The following BRD1 variants were observed in gnomAD, a reference collection of about 807,000 sequenced individuals.
The protein encoded by BRD1 is bromodomain-containing protein 1.
In BRD1, 24 loss-of-function variants were observed where a neutral mutation model predicts 107.7. That is an observed-to-expected ratio of 0.22 (90% CI 0.16 to 0.31). BRD1 has a LOEUF of 0.31. Among genes scored for constraint, BRD1 ranks in the 10% least tolerant of loss-of-function variants. The pLI is 1.00. For synonymous variants in BRD1, 744 were observed against 686.1 expected, an observed-to-expected ratio of 1.08 and a Z score of -1.32; for missense variants, 1,279 against 1,638.6, an observed-to-expected ratio of 0.78 and a Z score of 3.79.
At chr22:49,784,294 G>T (rs1211407514) in intron 8 of BRD1, among the ~76,000 whole-genome samples, 1 of 144,668 alleles carries the variant, frequency 6.9e-6, no homozygotes, top group Non-Finnish European at 1.5e-5. Flanking sequence ...TCTCCGCAAC[G>T]GCGGCGAGTA....
rs2059120232 is a variant in BRD1 at position 49,777,280 on chromosome 22, C to T, written c.2994-119G>A. The T allele has an allele frequency of 8.1e-6, 12 of 1,474,836 alleles. No homozygotes were observed. The East Asian group carries it at 9.2e-5, about 11-fold the overall frequency. The allele number at this position is 1,474,836 out of a possible 1,614,324, so 91.4% of individuals were successfully genotyped here. ...CCACGCATCCTGCCTGACACCCCCG[C>T]GGCCAGACGGGCCTGTGGGTGCGCA... On this transcript the variant is annotated intron_variant, in intron 9 of 12. Transcript: ENST00000404760.
intron 2 of BRD1, among the ~76,000 whole-genome samples, chr22:49,811,491 C>T (rs1361170580): frequency 6.6e-6 from 1 of 152,192 alleles, no homozygotes; most frequent in African/African-American, 2.4e-5. Flanking sequence ...CGAGCGCCAG[C>T]CTGGATGTTG....
At position 49,774,207 on chromosome 22, in the gene BRD1, C is replaced by T. The variant is rs2059036306; in HGVS notation, c.*26G>A. 3 of 1,605,894 alleles carry T rather than the reference C, an allele frequency of 1.9e-6. No homozygotes were observed. Among genetic ancestry groups the T allele is most frequent in the Non-Finnish European group, 2.6e-6 (3 of 1,175,272 alleles). ...ATGTACAGCTTATCAACACTATGGA[C>T]AAGACCCGCGCTGGCGGCCGGGCCG... On this transcript the variant is annotated 3_prime_UTR_variant, in exon 13 of 13. Transcript: ENST00000404760.
In BRD1 at chr22:49,775,869, GC is replaced by G. The variant is rs965468142; in HGVS notation, c.3232-125del. On this transcript the variant is annotated intron_variant, in intron 11 of 12. Transcript: ENST00000404760. ...GTGAGCCTCCTCAGACCACCCCCAC[GC>G]CCCCCTCGCCGAACCACCCCTGCCC... 9 of 741,786 alleles carry G rather than the reference GC, an allele frequency of 1.2e-5. No homozygotes were observed. In the Admixed American group the frequency reaches 2.4e-4, roughly 20 times the overall value. 46.0% of individuals were successfully genotyped at this position (741,786 alleles called of 1,614,324 possible). A position where few individuals can be genotyped will look rare whatever the true frequency, so the allele number is the denominator to read the frequency against.
chr22:49,803,303 A>T lies in BRD1; in HGVS notation c.1524+901T>A, dbSNP rs1195973623. ...TCAAGCTTCCTGTGAGCAAGTCACC[A>T]CCTCACAGCAGAGCAGGATGGTTTC... On this transcript the variant is annotated intron_variant, in intron 3 of 12. Coordinates refer to ENST00000404760, the MANE Select transcript of BRD1 (RefSeq NM_001304808.3). The surrounding 1 kb of genome is among the most constrained non-coding windows in gnomAD (Gnocchi z 4.4). Among the ~76,000 whole-genome samples, 1 of 152,196 alleles carries T rather than the reference A, an allele frequency of 6.6e-6. No homozygotes were observed. The highest frequency in any genetic ancestry group is 1.5e-5 in the Non-Finnish European group (1 of 68,030).
rs139566314 is a variant in BRD1 at position 49,797,950 on chromosome 22, G to A, written c.1953C>T (p.Ala651=). 291 of 1,614,064 alleles carry A rather than the reference G, an allele frequency of 1.8e-4. 1 individual carries two copies. The highest frequency in any genetic ancestry group is 2.1e-4 in the Non-Finnish European group (252 of 1,180,052). Reference sequence around the variant, plus strand: ...CTCCCTGATCGCGCAGCCTCACCGCGGCTCTATAGAACACGGTGTCCCTGG... The same window carrying A: ...CTCCCTGATCGCGCAGCCTCACCGCAGCTCTATAGAACACGGTGTCCCTGG... ...YNARDTVFYR[A]AVRLRDQGGV... is the part of the protein sequence containing the mutation. Residue 651 remains alanine, a synonymous_variant, in exon 6 of 13, where the codon GCC becomes GCT. Transcript: ENST00000404760.
At chr22:49,789,492 C>G (rs563737432) in intron 7 of BRD1, among the ~76,000 whole-genome samples, 3 of 146,570 alleles carry the variant, frequency 2.0e-5, no homozygotes, top group African/African-American at 5.3e-5. Context: ...TCCTAGCCTC[C>G]CCCCCCCGCC....
Position 49,777,664 on chromosome 22 carries a change from G to T in BRD1, c.2993+14C>A. On this transcript the variant is annotated intron_variant, in intron 9 of 12. Transcript: ENST00000404760. Reference sequence around the variant, plus strand: ...GGAGCTGCGTGGTGGGAAGCGCAGGGCCGCGGTGCCCACCTCGAGTCGCAG... The same window carrying T: ...GGAGCTGCGTGGTGGGAAGCGCAGGTCCGCGGTGCCCACCTCGAGTCGCAG... 1 of 1,601,298 alleles carries T rather than the reference G, an allele frequency of 6.2e-7. No individual in the cohort carries two copies.
At chr22:49,813,456 T>C (rs1013961800) in intron 2 of BRD1, among the ~76,000 whole-genome samples, 6 of 151,600 alleles carry the variant, frequency 4.0e-5, no homozygotes, top group Non-Finnish European at 7.4e-5. Flanking sequence ...TCTCTTGACC[T>C]CGTGATCCGC....
At chr22:49,826,262 A>G (rs886684910) in intron 1 of BRD1, 1 of 985,290 alleles carries the variant, frequency 1.0e-6, no homozygotes, top group African/African-American at 1.7e-5. Context: ...GAAGCTCTTC[A>G]TCGCAACACT....
intron 7 of BRD1, among the ~76,000 whole-genome samples, chr22:49,790,455 G>A (rs970671462): frequency 1.3e-5 from 2 of 152,294 alleles, no homozygotes; most frequent in East Asian, 1.9e-4. Context: ...CTCAGACCCC[G>A]TCAATGTATC....
At chr22:49,806,457 T>C (rs1313842422) in intron 2 of BRD1, 3 of 151,662 alleles carry the variant, frequency 2.0e-5, no homozygotes, top group East Asian at 1.9e-4. Flanking sequence ...AAAATTAGAG[T>C]GAGGAAGAGC....
In BRD1 at chr22:49,775,490, GCAGA is replaced by G. The variant is rs1402268610; in HGVS notation, c.3386+97_3386+100del. On this transcript the variant is annotated intron_variant, in intron 12 of 12. Coordinates refer to ENST00000404760, the MANE Select transcript of BRD1 (RefSeq NM_001304808.3). ...CCGACTTTAGCTGTGCCAGGGCCCA[GCAGA>G]CAAAGACGCTGCTCACCACAGGGAC... is the stretch of plus-strand genomic sequence containing the variant. 2.0e-5 allele frequency: 23 copies of G among 1,155,372 alleles called. No homozygotes were observed. The African/African-American group carries it at 3.3e-4, about 17-fold the overall frequency. The allele number at this position is 1,155,372 out of a possible 1,614,324, so 71.6% of individuals were successfully genotyped here.
intron 7 of BRD1, 121 bp from the exon 8 acceptor site, chr22:49,788,008 ATGTAC>A: frequency 9.9e-7 from 1 of 1,014,660 alleles, no homozygotes; most frequent in Non-Finnish European, 1.4e-6. Context: ...AAGGCATCGC[ATGTAC>A]TGTCTGCTCG....
chr22:49,795,240 C>T (rs368330103), intron 6 of BRD1, among the ~76,000 whole-genome samples: 2 of 152,208 alleles, frequency 1.3e-5, no homozygotes, highest in East Asian at 1.9e-4. Flanking sequence ...AGCCTCGAAA[C>T]GTCTGTTTCT....
chr22:49,821,698 C>T (rs1404867955), intron 2 of BRD1, among the ~76,000 whole-genome samples: 2 of 152,134 alleles, frequency 1.3e-5, no homozygotes, highest in African/African-American at 2.4e-5. Flanking sequence ...CCAGCCTCAC[C>T]GCCCGATGCA....
At chr22:49,780,851 T>G (rs2059192892) in intron 8 of BRD1, among the ~76,000 whole-genome samples, 1 of 152,062 alleles carries the variant, frequency 6.6e-6, no homozygotes, top group South Asian at 2.1e-4. Context: ...AGCCTTGAGG[T>G]GGGGCCCAAC....
At chr22:49,791,060 C>T (rs1214967534) in intron 7 of BRD1, among the ~76,000 whole-genome samples, 1 of 152,266 alleles carries the variant, frequency 6.6e-6, no homozygotes, top group Admixed American at 6.5e-5. Context: ...CAGCAGACAC[C>T]AACCTCAGCA....
In BRD1 at chr22:49,794,059, C is replaced by T. The variant is rs1385605566; in HGVS notation, c.2334G>A (p.Ala778=). ...CTTCCTCGCCCGCCTCCGGCCCCAG[C>T]GCAGCTCCGTCCTCTTCGAAGCCTT... ...GLEGFEEDGA[A]LGPEAGEEGD... is the part of the protein sequence containing the mutation. The change falls in exon 7 of 13, where the codon GCG becomes GCA. Residue 778 remains alanine (A), a synonymous_variant. Transcript: ENST00000404760. 5 of 1,613,656 alleles carry T rather than the reference C, an allele frequency of 3.1e-6. No individual in the cohort carries two copies. Among genetic ancestry groups the T allele is most frequent in the Non-Finnish European group, 4.2e-6 (5 of 1,179,956 alleles).
Sources: gnomAD v4.1 joint callset for allele counts (sites outside exome capture counted in the v4.1 genomes callset) on GRCh38, gnomAD v4.1.1 for gene constraint, Gnocchi (gnomAD v3.1) non-coding constraint, MANE v1.5 for transcripts, NCBI Gene and HGNC (gene_info 2026-07-23, HGNC 2026-07-21) for gene names.